The following RIMKLB variants were observed in gnomAD, a reference collection of about 807,000 sequenced individuals.
RIMKLB encodes the protein beta-citrylglutamate synthase B.
RIMKLB carries 7 observed loss-of-function variants against 32.0 expected under a neutral mutation model. That is an observed-to-expected ratio of 0.22 (90% CI 0.12 to 0.41). The LOEUF (loss-of-function observed/expected upper bound fraction) is 0.41, where lower values mean the gene tolerates loss of function less well. RIMKLB is among the 10% of genes least tolerant of loss of function. The pLI, the probability that RIMKLB is intolerant of heterozygous loss-of-function variation, is 1.00. For missense variants in RIMKLB, 289 were observed against 498.7 expected (o/e 0.58, Z 4.00); for synonymous variants, 172 against 185.1 (o/e 0.93, Z 0.57).
intron 1 of RIMKLB, among the ~76,000 whole-genome samples, chr12:8,707,876 C>T (rs191982549): frequency 6.6e-5 from 10 of 152,296 alleles, no homozygotes; most frequent in African/African-American, 1.4e-4. Context: ...ATTCAACTCC[C>T]GTGATTCCTA....
chr12:8,782,053 CTCTACTGTA>C (rs1466893551), downstream of RIMKLB, among the ~76,000 whole-genome samples: 1 of 148,356 alleles, frequency 6.7e-6, no homozygotes, highest in Non-Finnish European at 1.5e-5. Context: ...CTCACTCTTT[CTCTACTGTA>C]CTTGAGCCTG....
At chr12:8,731,701 C>T (rs767749884) in intron 2 of RIMKLB, among the ~76,000 whole-genome samples, 69 of 152,066 alleles carry the variant, frequency 4.5e-4, no homozygotes, top group Admixed American at 2.6e-4. Flanking sequence ...TTTATTTTGG[C>T]ATCTTATATA....
intron 5 of RIMKLB, among the ~76,000 whole-genome samples, chr12:8,763,170 A>G (rs1448181536): frequency 1.3e-5 from 2 of 152,210 alleles, no homozygotes; most frequent in Non-Finnish European, 2.9e-5. Context: ...CACTGCCCAT[A>G]AACAATGAGG....
chr12:8,711,981 C>G (rs950404060), intron 1 of RIMKLB, among the ~76,000 whole-genome samples: 1 of 152,134 alleles, frequency 6.6e-6, no homozygotes, highest in Non-Finnish European at 1.5e-5. Context: ...TGCACTGTAC[C>G]TTTCCCATAC....
chr12:8,774,345 C>T lies in RIMKLB; in HGVS notation c.*561C>T, dbSNP rs1706835554. ...GATTTCTTATTTTTTTGTTTTTTCC[C>T]GCTTAATTTGGTGGGAGGTCAAATT... On this transcript the variant is annotated 3_prime_UTR_variant, in exon 6 of 6. Transcript: ENST00000535829. 8 of 985,624 alleles carry T rather than the reference C, an allele frequency of 8.1e-6. No individual in the cohort carries two copies. Among genetic ancestry groups the T allele is most frequent in the East Asian group, 1.1e-4 (1 of 8,812 alleles). The allele number at this position is 985,624 out of a possible 1,614,324, so 61.1% of individuals were successfully genotyped here.
At chr12:8,727,229 G>A (rs761466610) in intron 2 of RIMKLB, among the ~76,000 whole-genome samples, 5 of 152,122 alleles carry the variant, frequency 3.3e-5, no homozygotes, top group Non-Finnish European at 5.9e-5. Context: ...GTTTGTTGTT[G>A]TTGTTGTTAT....
At chr12:8,758,317 T>TG (rs770370990) in intron 5 of RIMKLB, among the ~76,000 whole-genome samples, 150 of 152,142 alleles carry the variant, frequency 9.9e-4, no homozygotes, top group African/African-American at 3.5e-3. Flanking sequence ...GGTGAAGTCT[T>TG]GCTATGTTAC....
At chr12:8,760,428 G>A (rs1022804426) in intron 5 of RIMKLB, among the ~76,000 whole-genome samples, 9 of 152,230 alleles carry the variant, frequency 5.9e-5, no homozygotes, top group Non-Finnish European at 4.4e-5. Flanking sequence ...CTTTATAGCA[G>A]CAGCATTTAT....
In RIMKLB at chr12:8,774,987, T is replaced by C; in HGVS notation, c.*1203T>C. 1 of 985,732 alleles carries C rather than the reference T, an allele frequency of 1.0e-6. No individual in the cohort carries two copies. Among genetic ancestry groups the C allele is most frequent in the Non-Finnish European group, 1.2e-6 (1 of 829,824 alleles). 61.1% of individuals were successfully genotyped at this position (985,732 alleles called of 1,614,324 possible). A position where few individuals can be genotyped will look rare whatever the true frequency, so the allele number is the denominator to read the frequency against. On this transcript the variant is annotated 3_prime_UTR_variant, in exon 6 of 6. Transcript: ENST00000535829. ...CATGATGGGAAACAGAGTTTTTGAC[T>C]TTAAAAAACAGATGAGTTGTTTTCA...
chr12:8,688,017 A>G (rs1418912729), intron 1 of RIMKLB, among the ~76,000 whole-genome samples: 1 of 152,144 alleles, frequency 6.6e-6, no homozygotes, highest in African/African-American at 2.4e-5. Context: ...GGAAGAGCTT[A>G]TGAAAGGGGT....
At chr12:8,748,533 T>C (rs888146540) in intron 2 of RIMKLB, among the ~76,000 whole-genome samples, 51 of 108,852 alleles carry the variant, frequency 4.7e-4, no homozygotes, top group African/African-American at 1.5e-3. Context: ...TGTGTGTGTG[T>C]GTGTGTGTGT....
At chr12:8,723,465 TGACACAAA>T (rs1157309254) in intron 2 of RIMKLB, among the ~76,000 whole-genome samples, 1 of 152,198 alleles carries the variant, frequency 6.6e-6, no homozygotes, top group African/African-American at 2.4e-5. Flanking sequence ...TATCAAAATG[TGACACAAA>T]GACACAAAGT....
intron 2 of RIMKLB, among the ~76,000 whole-genome samples, chr12:8,738,158 G>A (rs1290985710): frequency 5.9e-5 from 9 of 152,140 alleles, no homozygotes; most frequent in African/African-American, 1.7e-4. Flanking sequence ...ATCCCAAGCC[G>A]AGCCTCTTGA....
chr12:8,718,193 G>C (rs1422270589), intron 2 of RIMKLB, among the ~76,000 whole-genome samples: 2 of 152,120 alleles, frequency 1.3e-5, no homozygotes, highest in East Asian at 3.8e-4. Flanking sequence ...TTCCATTGTT[G>C]ATACCCAGTG....
chr12:8,723,842 TTCTC>T (rs1358531896), intron 2 of RIMKLB, among the ~76,000 whole-genome samples: 1 of 141,148 alleles, frequency 7.1e-6, no homozygotes, highest in Non-Finnish European at 1.5e-5. Context: ...GACAGAGTCT[TTCTC>T]TGTCGTTCAG....
chr12:8,710,598 G>T (rs1355922008), intron 1 of RIMKLB, among the ~76,000 whole-genome samples: 1 of 152,086 alleles, frequency 6.6e-6, no homozygotes, highest in African/African-American at 2.4e-5. Context: ...GAGCCATCAT[G>T]CCTGGCCTAG....
In RIMKLB at chr12:8,738,174, T is replaced by G. The variant is rs776444349; in HGVS notation, c.176-11688T>G. Among the ~76,000 whole-genome samples the G allele has an allele frequency of 2.6e-5, 4 of 152,320 alleles. No individual in the cohort carries two copies. In the South Asian group the frequency reaches 8.3e-4, roughly 32 times the overall value. ...TCCCAAGCCGAGCCTCTTGAGTAGC[T>G]GGAACTACAGGCATGTACCACTGTG... On this transcript the variant is annotated intron_variant, in intron 2 of 5. Transcript: ENST00000535829.
At chr12:8,673,306 C>T in the RIMKLB span, among the ~76,000 whole-genome samples, 4 of 152,140 alleles carry the variant, frequency 2.6e-5, no homozygotes, top group Non-Finnish European at 4.4e-5. Flanking sequence ...GACAAGTTTT[C>T]GTGAATCACT....
intron 1 of RIMKLB, among the ~76,000 whole-genome samples, chr12:8,701,982 G>C (rs1943445956): frequency 2.0e-5 from 3 of 151,236 alleles, no homozygotes; most frequent in Admixed American, 2.0e-4. Flanking sequence ...CTCAAGTCTG[G>C]GTCAAAGAGC....
Sources: allele counts gnomAD v4.1 joint callset (sites outside exome capture counted in the v4.1 genomes callset), GRCh38; gene constraint gnomAD v4.1.1; transcripts MANE v1.5; gene names NCBI Gene and HGNC (gene_info 2026-07-23, HGNC 2026-07-21).